Variants in MIA2 observed in about 807,000 individuals in gnomAD.
The protein encoded by MIA2 is MIA SH3 domain ER export factor 2.
MIA2 carries 127 observed loss-of-function variants against 167.8 expected under a neutral mutation model. That is an observed-to-expected ratio of 0.76 (90% CI 0.66 to 0.88). MIA2 has a LOEUF of 0.88. Among genes scored for constraint, MIA2 ranks in the 40% least tolerant of loss-of-function variants. The pLI is 0.00. For synonymous variants in MIA2, 552 were observed against 541.9 expected, an observed-to-expected ratio of 1.02 and a Z score of -0.26; for missense variants, 1,690 against 1,624.7, an observed-to-expected ratio of 1.04 and a Z score of -0.69.
rs1410981625 is a variant in MIA2 at position 39,348,768 on chromosome 14, T to C, written c.3863T>C (p.Leu1288Pro). ...AATTTAAATGTGCCTGATTCATCTC[T>C]CCCTGCTGAAAATGAAGCCACTGGC... is the stretch of plus-strand genomic sequence containing the variant. Reference protein sequence around the residue: ...LGNLNVPDSSLPAENEATGPG... With the variant: ...LGNLNVPDSSPPAENEATGPG... The change falls in exon 28 of 29, where the codon CTC becomes CCC. Residue 1288 changes from leucine to proline, a missense_variant. By Grantham distance (98) the Leu-to-Pro change is moderately conservative. Coordinates refer to ENST00000640607, the MANE Select transcript of MIA2 (RefSeq NM_001329214.4). 1 of 1,613,970 alleles carries C rather than the reference T, an allele frequency of 6.2e-7. No individual in the cohort carries two copies. Among genetic ancestry groups the C allele is most frequent in the South Asian group, 1.1e-5 (1 of 91,072 alleles).
At chr14:39,385,229 C>G (rs1386114514) in intron 23 of MIA2, among the ~76,000 whole-genome samples, 2 of 152,152 alleles carry the variant, frequency 1.3e-5, no homozygotes, top group Non-Finnish European at 2.9e-5. Flanking sequence ...ATCTACAAAA[C>G]CAACACCCAT....
chr14:39,317,893 A>T, intron 21 of MIA2, 51 bp from the exon 22 acceptor site: 1 of 1,252,528 alleles, frequency 8.0e-7, no homozygotes, highest in South Asian at 1.6e-5. Flanking sequence ...ATTTATGCTT[A>T]TTTTTTAAGT....
chr14:39,297,233 G>T (rs972590336), intron 13 of MIA2, among the ~76,000 whole-genome samples: 14 of 152,024 alleles, frequency 9.2e-5, no homozygotes, highest in African/African-American at 2.9e-4. Flanking sequence ...AGCTGGGATT[G>T]CAGGCATGTA....
At chr14:39,339,873 TCTCA>T (rs2071391910) in intron 25 of MIA2, among the ~76,000 whole-genome samples, 1 of 152,216 alleles carries the variant, frequency 6.6e-6, no homozygotes, top group African/African-American at 2.4e-5. Context: ...TGAGACAGAA[TCTCA>T]CTCTGTCATC....
Position 39,283,803 on chromosome 14 carries a change from C to T in MIA2, c.2130+4266C>T, listed in dbSNP as rs572137229. Among the ~76,000 whole-genome samples the T allele has an allele frequency of 2.0e-4, 31 of 152,226 alleles. 1 individual carries two copies. The highest frequency in any genetic ancestry group is 7.5e-4 in the African/African-American group (31 of 41,548). ...TACCTGTTGGCCATTTTTATGTCATCTTCAGAGAAATATCTATTTAAGTCC... is the reference window on the plus strand; with the variant it reads ...TACCTGTTGGCCATTTTTATGTCATTTTCAGAGAAATATCTATTTAAGTCC... On this transcript the variant is annotated intron_variant, in intron 9 of 28. Transcript: ENST00000640607.
chr14:39,295,660 A>G (rs956601873), intron 13 of MIA2, among the ~76,000 whole-genome samples: 5 of 152,082 alleles, frequency 3.3e-5, no homozygotes, highest in African/African-American at 1.2e-4. Flanking sequence ...CCCAGGTTCA[A>G]GCAATTTTTC....
intron 6 of MIA2, among the ~76,000 whole-genome samples, chr14:39,259,289 C>T (rs1227002785): frequency 6.6e-6 from 1 of 152,312 alleles, no homozygotes; most frequent in Non-Finnish European, 1.5e-5. Flanking sequence ...TCAGAGATGC[C>T]CTGACCAGTG....
Position 39,274,445 on chromosome 14 carries a change from TTG to T in MIA2, c.1888-2488_1888-2487del, listed in dbSNP as rs2057633197. On this transcript the variant is annotated intron_variant, in intron 6 of 28. Transcript: ENST00000640607. ...TTTCTTTTTTTCTTTTTTTTTTTTTTTGAGATGGAGTCTCACTCTGTCACCCA... is the reference window on the plus strand; with the variant it reads ...TTTCTTTTTTTCTTTTTTTTTTTTTTAGATGGAGTCTCACTCTGTCACCCA... Among the ~76,000 whole-genome samples, 3 of 150,930 alleles carry T rather than the reference TTG, an allele frequency of 2.0e-5. 1 individual carries two copies. The highest frequency in any genetic ancestry group is 2.0e-4 in the Admixed American group (3 of 15,174).
intron 6 of MIA2, among the ~76,000 whole-genome samples, chr14:39,273,813 G>T (rs1319509826): frequency 1.3e-5 from 2 of 152,064 alleles, no homozygotes; most frequent in African/African-American, 4.8e-5. Context: ...TGATGTATTT[G>T]TCTGGCTTTT....
Position 39,288,451 on chromosome 14 carries a change from A to ATTTTTTT in MIA2, c.2131-2567_2131-2566insTTTTTTT, listed in dbSNP as rs1566746956. ...ATTATACATATATATATATATATAT[A>ATTTTTTT]TATATATATATATATATATATATAT... On this transcript the variant is annotated intron_variant, in intron 9 of 28. Coordinates refer to ENST00000640607, the MANE Select transcript of MIA2 (RefSeq NM_001329214.4). 6.8e-4 allele frequency among the ~76,000 whole-genome samples: 6 copies of ATTTTTTT among 8,788 alleles called. 1 individual carries two copies. Among genetic ancestry groups the ATTTTTTT allele is most frequent in the African/African-American group, 1.2e-3 (3 of 2,452 alleles). 5.8% of individuals were successfully genotyped at this position (8,788 alleles called of 152,430 possible).
intron 6 of MIA2, chr14:39,265,396 T>C (rs778359875): frequency 6.2e-7 from 1 of 1,609,566 alleles, no homozygotes; most frequent in Non-Finnish European, 8.5e-7. Flanking sequence ...TTTCAAGAAA[T>C]GGAATTGAAA....
rs61739458 is a variant in MIA2 at position 39,266,653 on chromosome 14, C to G, written c.1888-10281C>G. The G allele has an allele frequency of 4.8e-3, 4,750 of 985,586 alleles. 138 individuals are homozygous for G. In the African/African-American group the frequency reaches 0.067, roughly 14 times the overall value. The allele number at this position is 985,586 out of a possible 1,614,324, so 61.1% of individuals were successfully genotyped here. On this transcript the variant is annotated intron_variant, in intron 6 of 28. Coordinates refer to ENST00000640607, the MANE Select transcript of MIA2 (RefSeq NM_001329214.4). ...TCCGGACGTGGTTGGCAGGGCGCAC[C>G]GGCGCGTGCCCCGCAGGCCATTTTT...
chr14:39,369,335 T>C (rs950019792), intron 23 of MIA2, among the ~76,000 whole-genome samples: 3 of 152,236 alleles, frequency 2.0e-5, no homozygotes, highest in African/African-American at 7.2e-5. Context: ...TCCGGTGTTT[T>C]AGCTAGAGGC....
At chr14:39,294,556 A>G (rs2061163350) in intron 12 of MIA2, among the ~76,000 whole-genome samples, 1 of 151,924 alleles carries the variant, frequency 6.6e-6, no homozygotes, top group South Asian at 2.1e-4. Flanking sequence ...TCAGTGGACA[A>G]GTGTTTATTG....
chr14:39,368,276 G>A (rs1464118279), intron 23 of MIA2, among the ~76,000 whole-genome samples: 1 of 152,142 alleles, frequency 6.6e-6, no homozygotes, highest in Non-Finnish European at 1.5e-5. Flanking sequence ...AGAGAGAGAA[G>A]GAAGAAAAAT....
At chr14:39,274,424 TTTTTTTC>T (rs1483377100) in intron 6 of MIA2, among the ~76,000 whole-genome samples, 1 of 150,490 alleles carries the variant, frequency 6.6e-6, no homozygotes, top group African/African-American at 2.4e-5. Flanking sequence ...TCTTTTTTTC[TTTTTTTC>T]TTTTTTTTTT....
chr14:39,302,235 ATGG>A lies in MIA2; in HGVS notation c.2729_2731del (p.Gly910del), dbSNP rs747350304. 1 of 1,613,708 alleles carries A rather than the reference ATGG, an allele frequency of 6.2e-7. No individual in the cohort carries two copies. The highest frequency in any genetic ancestry group is 8.5e-7 in the Non-Finnish European group (1 of 1,179,800). On this transcript the variant is annotated inframe_deletion, in exon 15 of 29. Coordinates refer to ENST00000640607, the MANE Select transcript of MIA2 (RefSeq NM_001329214.4). ...TTAGAAATGAACAGTGAATCGGAAA[ATGG>A]TGCTTACTTAGGTATTAAGTCATGA...
chr14:39,387,214 T>C, exon 24 of MIA2: 1 of 404,574 alleles, frequency 2.5e-6, no homozygotes, highest in Non-Finnish European at 4.3e-6. Context: ...TTGGGAAAAG[T>C]AAAGTGAAAA....
intron 14 of MIA2, among the ~76,000 whole-genome samples, chr14:39,301,532 A>C (rs1349510829): frequency 6.6e-6 from 1 of 152,166 alleles, no homozygotes; most frequent in South Asian, 2.1e-4. Flanking sequence ...AAGGGTGAAA[A>C]TTGTAGATCA....
Sources: gnomAD v4.1 joint callset for allele counts (sites outside exome capture counted in the v4.1 genomes callset) on GRCh38, gnomAD v4.1.1 for gene constraint, MANE v1.5 for transcripts, NCBI Gene and HGNC (gene_info 2026-07-23, HGNC 2026-07-21) for gene names.